APOBEC3A: variants seen among roughly 807,000 people sequenced by gnomAD.
APOBEC3A encodes the protein apolipoprotein B mRNA editing enzyme catalytic subunit 3A.
In APOBEC3A, 13 loss-of-function variants were observed where a neutral mutation model predicts 23.0. The ratio of observed to expected loss-of-function variants is 0.57; its 90% CI spans 0.37 to 0.90. The LOEUF is 0.90. Ranked by LOEUF, APOBEC3A falls within the 40% of genes least tolerant of loss-of-function variation. The pLI, the probability that APOBEC3A is intolerant of heterozygous loss-of-function variation, is 0.01. For synonymous variants in APOBEC3A, 74 were observed against 101.3 expected (o/e 0.73, Z 1.62); for missense variants, 179 against 264.9 (o/e 0.68, Z 2.25).
chr22:38,957,758 C>G, intron 1 of APOBEC3A, 38 bp downstream of exon 1: 1 of 1,602,774 alleles, frequency 6.2e-7, no homozygotes. Context: ...GCGCCTCAGC[C>G]TCCTCTTTGA....
intron 3 of APOBEC3A, 119 bp from the exon 4 acceptor site, chr22:38,961,979 G>T (rs1184790386): frequency 7.4e-7 from 1 of 1,351,360 alleles, no homozygotes; most frequent in African/African-American, 1.5e-5. Flanking sequence ...CTAGGGGAGG[G>T]AGAGGGAAAG....
chr22:38,962,365 C>G, intron 4 of APOBEC3A, 130 bp from the exon 5 acceptor site: 11 of 1,554,372 alleles, frequency 7.1e-6, no homozygotes, highest in South Asian at 1.2e-5. Flanking sequence ...CTTCTCACAG[C>G]CTCCTTCTCT....
rs776770641 is a variant in APOBEC3A at position 38,962,138 on chromosome 22, A to C, written c.510A>C (p.Gly170=). 6 of 1,613,000 alleles carry C rather than the reference A, an allele frequency of 3.7e-6. No individual in the cohort carries two copies. The Admixed American group carries it at 1.0e-4, about 27-fold the overall frequency. The change falls in exon 4 of 5, where the codon GGA becomes GGC. Residue 170 remains glycine (G), a synonymous_variant. Transcript: ENST00000249116. ...GGGACACCTTTGTGGACCACCAGGG[A>C]TGTCCCTTCCAGCCCTGGGATGGAC... ...HCWDTFVDHQ[G]CPFQPWDGLD...
intron 2 of APOBEC3A, among the ~76,000 whole-genome samples, 178 bp downstream of exon 2, chr22:38,959,864 G>A (rs1243949091): frequency 6.6e-6 from 1 of 152,176 alleles, no homozygotes; most frequent in East Asian, 1.9e-4. Context: ...GACTATCCAT[G>A]CCCAGGTGGG....
chr22:38,962,744 G>T lies in APOBEC3A; in HGVS notation c.*235G>T. Reference sequence around the variant, plus strand: ...GAGGCCAAGGCGGGTGGATCACGAGGTCAGGAGATCGAGACCATCCTGGCT... The same window carrying T: ...GAGGCCAAGGCGGGTGGATCACGAGTTCAGGAGATCGAGACCATCCTGGCT... On this transcript the variant is annotated 3_prime_UTR_variant, in exon 5 of 5. Transcript: ENST00000249116. The T allele has an allele frequency of 9.4e-7, 1 of 1,064,162 alleles. No individual in the cohort carries two copies. The highest frequency in any genetic ancestry group is 1.3e-6 in the Non-Finnish European group (1 of 766,684). The allele number at this position is 1,064,162 out of a possible 1,614,324, so 65.9% of individuals were successfully genotyped here.
chr22:38,962,080 T>C lies in APOBEC3A; in HGVS notation c.470-18T>C, dbSNP rs1417738741. ...TCCCACAGCGGGAGCGTGACTTATC[T>C]CCCCTGTCCCTTTTCAGAATTTAAG... On this transcript the variant is annotated intron_variant, in intron 3 of 4. Transcript: ENST00000249116. The C allele has an allele frequency of 1.9e-6, 3 of 1,598,696 alleles. No homozygotes were observed. Among genetic ancestry groups the C allele is most frequent in the Non-Finnish European group, 2.6e-6 (3 of 1,169,524 alleles).
Position 38,962,719 on chromosome 22 carries a change from G to C in APOBEC3A, c.*210G>C, listed in dbSNP as rs1922964221. The C allele has an allele frequency of 1.5e-6, 2 of 1,290,622 alleles. No individual in the cohort carries two copies. Among genetic ancestry groups the C allele is most frequent in the Non-Finnish European group, 2.1e-6 (2 of 957,826 alleles). 79.9% of individuals were successfully genotyped at this position (1,290,622 alleles called of 1,614,324 possible). ...TCACGCCTGTAATCCCAGCACTTTG[G>C]AGGCCAAGGCGGGTGGATCACGAGG... On this transcript the variant is annotated 3_prime_UTR_variant, in exon 5 of 5. Transcript: ENST00000249116.
At chr22:38,957,845 C>G in intron 1 of APOBEC3A, 125 bp downstream of exon 1, 3 of 1,282,266 alleles carry the variant, frequency 2.3e-6, no homozygotes, top group Non-Finnish European at 3.3e-6. Context: ...CTCTCTGGAC[C>G]TGGCCTCTTG....
chr22:38,959,443 G>A lies in APOBEC3A; in HGVS notation c.30-99G>A, dbSNP rs1317347756. 2.0e-5 allele frequency: 28 copies of A among 1,418,294 alleles called. No homozygotes were observed. The Middle Eastern group carries it at 6.3e-4, about 32-fold the overall frequency. The allele number at this position is 1,418,294 out of a possible 1,614,324, so 87.9% of individuals were successfully genotyped here. On this transcript the variant is annotated intron_variant, in intron 1 of 4. Coordinates refer to ENST00000249116, the MANE Select transcript of APOBEC3A (RefSeq NM_145699.4). ...AAGGGATGTGCGGAGCAGGGGGAAG[G>A]AGGGTGGGGTGCAAGGGAGGAAGTG...
intron 1 of APOBEC3A, among the ~76,000 whole-genome samples, chr22:38,957,926 C>T (rs1922642958): frequency 6.6e-6 from 1 of 152,216 alleles, no homozygotes; most frequent in Non-Finnish European, 1.5e-5. Context: ...TCTCCTTCCA[C>T]CTCCCGGGGC....
Position 38,962,158 on chromosome 22 carries a change from A to C in APOBEC3A, c.530A>C (p.Asp177Ala). The change falls in exon 4 of 5, where the codon GAT becomes GCT. Residue 177 changes from aspartate to alanine, a missense_variant. Asp to Ala is a moderately radical substitution (Grantham distance 126). This residue lies in a region of APOBEC3A where 37 missense variants were observed against 43.1 expected (regional missense o/e 0.86). Coordinates refer to ENST00000249116, the MANE Select transcript of APOBEC3A (RefSeq NM_145699.4). ...DHQGCPFQPWDGLDEHSQALS... is the reference protein window; with the variant it reads ...DHQGCPFQPWAGLDEHSQALS... ...CAGGGATGTCCCTTCCAGCCCTGGGATGGACTAGATGAGCACAGCCAAGCC... is the reference window on the plus strand; with the variant it reads ...CAGGGATGTCCCTTCCAGCCCTGGGCTGGACTAGATGAGCACAGCCAAGCC... 1 of 1,613,324 alleles carries C rather than the reference A, an allele frequency of 6.2e-7. No individual in the cohort carries two copies. The highest frequency in any genetic ancestry group is 8.5e-7 in the Non-Finnish European group (1 of 1,179,944).
rs572102584 is a variant in APOBEC3A, at chr22:38,959,080, T to C, written c.30-462T>C. On this transcript the variant is annotated intron_variant, in intron 1 of 4. Coordinates refer to ENST00000249116, the MANE Select transcript of APOBEC3A (RefSeq NM_145699.4). ...ATCCTATGAATTACCCGAAAAGAAG[T>C]CCCTGGCAGGTTCCTCTCCCCAGTC... Among the ~76,000 whole-genome samples, 23 of 152,168 alleles carry C rather than the reference T, an allele frequency of 1.5e-4. 1 individual carries two copies. The East Asian group carries it at 3.5e-3, about 23-fold the overall frequency.
chr22:38,962,649 A>T lies in APOBEC3A; in HGVS notation c.*140A>T. Reference sequence around the variant, plus strand: ...ACGCCAGCAAAGCAGTATGCTCCCGATCAAGTAGATTTTTAAAAAATCAGA... The same window carrying T: ...ACGCCAGCAAAGCAGTATGCTCCCGTTCAAGTAGATTTTTAAAAAATCAGA... On this transcript the variant is annotated 3_prime_UTR_variant, in exon 5 of 5. Transcript: ENST00000249116. The T allele has an allele frequency of 1.3e-6, 2 of 1,558,536 alleles. No individual in the cohort carries two copies. Among genetic ancestry groups the T allele is most frequent in the Non-Finnish European group, 1.7e-6 (2 of 1,153,030 alleles).
chr22:38,959,595 G>A lies in APOBEC3A; in HGVS notation c.83G>A (p.Arg28Lys). The change falls in exon 2 of 5, where the codon AGG (arginine) becomes AAG (lysine). Residue 28 changes from arginine (R) to lysine (K), a missense_variant. Around this residue, in one of 5 missense-constraint regions of APOBEC3A, gnomAD observed 87 missense variants for 74.5 expected, o/e 1.17. Transcript: ENST00000249116. ...TCCAACTTTAACAATGGCATTGGAAGGCATAAGACCTACCTGTGCTACGAA... is the reference window on the plus strand; with the variant it reads ...TCCAACTTTAACAATGGCATTGGAAAGCATAAGACCTACCTGTGCTACGAA... ...FTSNFNNGIG[R>K]HKTYLCYEVE... 1 of 1,614,098 alleles carries A rather than the reference G, an allele frequency of 6.2e-7. No homozygotes were observed. The highest frequency in any genetic ancestry group is 8.5e-7 in the Non-Finnish European group (1 of 1,179,994).
At chr22:38,959,475 GGGA>G (rs1922768550) in intron 1 of APOBEC3A, 64 bp from the exon 2 acceptor site, 3 of 1,565,106 alleles carry the variant, frequency 1.9e-6, no homozygotes, top group Non-Finnish European at 2.6e-6. Flanking sequence ...AGTGTGGGGA[GGGA>G]GGAGGAGGCA....
chr22:38,962,794 T>A lies in APOBEC3A; in HGVS notation c.*285T>A. On this transcript the variant is annotated 3_prime_UTR_variant, in exon 5 of 5. Coordinates refer to ENST00000249116, the MANE Select transcript of APOBEC3A (RefSeq NM_145699.4). ...TAACACGGTGAAACCCTGTCTCTAC[T>A]AAAAATACAAAAAATTAGCCAGGCG... 3 of 713,690 alleles carry A rather than the reference T, an allele frequency of 4.2e-6. No homozygotes were observed. The highest frequency in any genetic ancestry group is 4.2e-5 in the South Asian group (2 of 48,188). The allele number at this position is 713,690 out of a possible 1,614,324, so 44.2% of individuals were successfully genotyped here.
In APOBEC3A at chr22:38,957,674, C is replaced by T. The variant is rs1922629852; in HGVS notation, c.-18C>T. 1.2e-6 allele frequency: 2 copies of T among 1,612,192 alleles called. No homozygotes were observed. Among genetic ancestry groups the T allele is most frequent in the Middle Eastern group, 1.6e-4 (1 of 6,080 alleles). The stretch of plus-strand genomic sequence containing the variant: ...AGAGCGGGAGGACACAGACCAGGAA[C>T]CGAGAAGGGACAAGCACATGGAAGC... On this transcript the variant is annotated 5_prime_UTR_variant, in exon 1 of 5. Coordinates refer to ENST00000249116, the MANE Select transcript of APOBEC3A (RefSeq NM_145699.4).
chr22:38,958,767 TTCTC>T (rs774048758), intron 1 of APOBEC3A, among the ~76,000 whole-genome samples: 1 of 38,544 alleles, frequency 2.6e-5, no homozygotes, highest in African/African-American at 3.2e-4. Flanking sequence ...CCATCTCTCT[TTCTC>T]TTTCTTTCTT....
rs1234510501 is a variant in APOBEC3A at position 38,962,942 on chromosome 22, T to A, written c.*433T>A. On this transcript the variant is annotated 3_prime_UTR_variant, in exon 5 of 5. Coordinates refer to ENST00000249116, the MANE Select transcript of APOBEC3A (RefSeq NM_145699.4). Reference sequence around the variant, plus strand: ...TACTGCACTCCAGCCTGGGCGACAGTACCAGACTCCATCTCAAAAAAAAAA... The same window carrying A: ...TACTGCACTCCAGCCTGGGCGACAGAACCAGACTCCATCTCAAAAAAAAAA... 8 of 182,008 alleles carry A rather than the reference T, an allele frequency of 4.4e-5. No individual in the cohort carries two copies. The highest frequency in any genetic ancestry group is 5.4e-5 in the Non-Finnish European group (5 of 92,202). 11.3% of individuals were successfully genotyped at this position (182,008 alleles called of 1,614,324 possible).
Sources: allele counts gnomAD v4.1 joint callset (sites outside exome capture counted in the v4.1 genomes callset), GRCh38; gene constraint gnomAD v4.1.1; regional missense constraint gnomAD v4.1.1; transcripts MANE v1.5; gene names NCBI Gene and HGNC (gene_info 2026-07-23, HGNC 2026-07-21).